The following SCN7A variants were observed in gnomAD, a reference collection of about 807,000 sequenced individuals.
SCN7A encodes sodium channel protein type 7 subunit alpha.
SCN7A carries 138 observed loss-of-function variants against 155.2 expected under a neutral mutation model. The ratio of observed to expected loss-of-function variants is 0.89; its 90% confidence interval spans 0.77 to 1.02. The LOEUF is 1.02. Among genes scored for constraint, SCN7A ranks in the 50% least tolerant of loss-of-function variants. The pLI is 0.00. For synonymous variants in SCN7A, 693 were observed against 649.0 expected, an observed-to-expected ratio of 1.07 and a Z score of -1.03; for missense variants, 2,058 against 1,986.6, an observed-to-expected ratio of 1.04 and a Z score of -0.68.
chr2:166,454,754 T>C (rs923610980), intron 11 of SCN7A, among the ~76,000 whole-genome samples: 1 of 152,172 alleles, frequency 6.6e-6, no homozygotes, highest in African/African-American at 2.4e-5. Context: ...AGATGTGAGA[T>C]TGCCAGGTCC....
rs772944872 is a variant in SCN7A at position 166,441,753 on chromosome 2, C to CT, written c.1801-2dup. 13 of 1,585,710 alleles carry CT rather than the reference C, an allele frequency of 8.2e-6. No individual in the cohort carries two copies. The South Asian group carries it at 1.5e-4, about 18-fold the overall frequency. On this transcript the variant is annotated splice_acceptor_variant, in intron 14 of 25. Transcript: ENST00000643258. LOFTEE classifies it high-confidence loss of function. Reference sequence around the variant, plus strand: ...ACTTTCCCAACTTGAAAATTCTTAACTAATAGAGCAATGTAAAATCAAGAA... The same window carrying CT: ...ACTTTCCCAACTTGAAAATTCTTAACTTAATAGAGCAATGTAAAATCAAGAA...
chr2:166,448,157 T>C (rs1156967006), intron 11 of SCN7A, among the ~76,000 whole-genome samples: 1 of 152,098 alleles, frequency 6.6e-6, no homozygotes, highest in Non-Finnish European at 1.5e-5. Flanking sequence ...ATAAACTATC[T>C]ACTTTTATGA....
At chr2:166,443,718 T>C (rs1057005103) in intron 13 of SCN7A, 42 bp from the exon 14 acceptor site, 25 of 1,386,868 alleles carry the variant, frequency 1.8e-5, no homozygotes, top group Non-Finnish European at 2.3e-5. Context: ...ATGATTCCAA[T>C]AGCTGTATCA....
chr2:166,466,166 G>A (rs2105486705), intron 7 of SCN7A, among the ~76,000 whole-genome samples, 179 bp from the exon 8 acceptor site: 1 of 152,176 alleles, frequency 6.6e-6, no homozygotes, highest in South Asian at 2.1e-4. Context: ...TGAGGTTTAT[G>A]TATTATTGCT....
intron 2 of SCN7A, among the ~76,000 whole-genome samples, chr2:166,483,751 TA>T (rs1702983987): frequency 1.3e-5 from 2 of 152,040 alleles, no homozygotes; most frequent in African/African-American, 4.8e-5. Flanking sequence ...ATAATTATTC[TA>T]AGAGGAAAGC....
chr2:166,408,627 T>C (rs959379538), intron 25 of SCN7A, among the ~76,000 whole-genome samples: 7 of 152,016 alleles, frequency 4.6e-5, no homozygotes, highest in African/African-American at 1.7e-4. Context: ...GTTTTTCTGA[T>C]AGCTTCTTCT....
At position 166,409,819 on chromosome 2, in the gene SCN7A, A is replaced by C; in HGVS notation, c.3828T>G (p.Ser1276Arg). The C allele has an allele frequency of 6.4e-7, 1 of 1,573,204 alleles. No individual in the cohort carries two copies. The highest frequency in any genetic ancestry group is 2.3e-5 in the East Asian group (1 of 43,278). ...AGTAGAGAGCAATGGACATTTGTAG[A>C]CTCTGAACATCAGTGTCTATCATCA... ...IAMMIDTDVQ[S>R]LQMSIALYWI... The change falls in exon 25 of 26, where the codon AGT becomes AGG. Residue 1276 changes from serine to arginine, a missense_variant. Transcript: ENST00000643258.
At position 166,427,945 on chromosome 2, in the gene SCN7A, G is replaced by T; in HGVS notation, c.2699-3C>A. Reference sequence around the variant, plus strand: ...AAGTGAAGATCCGCGTCTGCAACCTGTCAAGATTGAATTGGTAAGAACAAC... The same window carrying T: ...AAGTGAAGATCCGCGTCTGCAACCTTTCAAGATTGAATTGGTAAGAACAAC... On this transcript the variant is annotated splice_polypyrimidine_tract_variant and splice_region_variant and intron_variant, in intron 17 of 25. Coordinates refer to ENST00000643258, the MANE Select transcript of SCN7A (RefSeq NM_002976.4). The T allele has an allele frequency of 6.2e-7, 1 of 1,612,138 alleles. No individual in the cohort carries two copies. The highest frequency in any genetic ancestry group is 8.5e-7 in the Non-Finnish European group (1 of 1,178,876).
intron 3 of SCN7A, among the ~76,000 whole-genome samples, chr2:166,475,686 T>C (rs1702781746): frequency 6.6e-6 from 1 of 151,952 alleles, no homozygotes; most frequent in Non-Finnish European, 1.5e-5. Context: ...ATATATGCCA[T>C]TGTGATGAAA....
At chr2:166,415,801 G>C (rs1701363087) in intron 21 of SCN7A, among the ~76,000 whole-genome samples, 1 of 152,056 alleles carries the variant, frequency 6.6e-6, no homozygotes, top group Non-Finnish European at 1.5e-5. Context: ...ATGTGTGTTT[G>C]AACAATATGA....
intron 11 of SCN7A, among the ~76,000 whole-genome samples, chr2:166,451,929 T>G (rs1559111891): frequency 6.6e-6 from 1 of 152,170 alleles, no homozygotes; most frequent in African/African-American, 2.4e-5. Context: ...TCTGAAATAT[T>G]TATTTTAAAT....
chr2:166,442,409 GAC>G (rs1701981064), intron 14 of SCN7A, among the ~76,000 whole-genome samples: 1 of 150,422 alleles, frequency 6.6e-6, no homozygotes, highest in African/African-American at 2.4e-5. Flanking sequence ...TTGTTTGTTT[GAC>G]AGAGTCTCTC....
intron 13 of SCN7A, among the ~76,000 whole-genome samples, 164 bp downstream of exon 13, chr2:166,444,598 G>A (rs2105439798): frequency 6.6e-6 from 1 of 152,238 alleles, no homozygotes; most frequent in Admixed American, 6.5e-5. Context: ...TAGAAAGCAG[G>A]GGTTGGAGGG....
chr2:166,423,290 C>T lies in SCN7A; in HGVS notation c.2996G>A (p.Gly999Asp). Residue 999 changes from glycine to aspartate, a missense_variant, in exon 19 of 26, where the codon GGC (glycine) becomes GAC (aspartate). Transcript: ENST00000643258. ...AACCACGAAGTCCAGCCTGTACCAG[C>T]CATTAGAGAAATAGGCCTTAAAACC... ...AYGFKAYFSN[G>D]WYRLDFVVVI... 6.2e-7 allele frequency: 1 copy of T among 1,609,562 alleles called. No homozygotes were observed. The highest frequency in any genetic ancestry group is 8.5e-7 in the Non-Finnish European group (1 of 1,178,552).
At chr2:166,455,795 G>A (rs189196544) in intron 11 of SCN7A, among the ~76,000 whole-genome samples, 1 of 152,242 alleles carries the variant, frequency 6.6e-6, no homozygotes, top group Non-Finnish European at 1.5e-5. Context: ...TGCATCTATT[G>A]AGATAATCAT....
rs369867918 is a variant in SCN7A at position 166,486,006 on chromosome 2, G to A, written c.-15+850C>T. 4.6e-5 allele frequency among the ~76,000 whole-genome samples: 7 copies of A among 152,220 alleles called. No individual in the cohort carries two copies. In the South Asian group the frequency reaches 1.5e-3, roughly 32 times the overall value. On this transcript the variant is annotated intron_variant, in intron 2 of 25. Coordinates refer to ENST00000643258, the MANE Select transcript of SCN7A (RefSeq NM_002976.4). ...CTGCTTCTCAGCGGAATACAAAGGA[G>A]GCTGTATGATGCAACCAGATTATAA...
rs1701009846 is a variant in SCN7A, at chr2:166,403,904, G to C, written c.*1676C>G. ...TCACTGGTCTCCATAACATGATGGA[G>C]AGCAGGAGAAGAAAGGGAAGGAACA... is the stretch of plus-strand genomic sequence containing the variant. On this transcript the variant is annotated 3_prime_UTR_variant, in exon 26 of 26. Coordinates refer to ENST00000643258, the MANE Select transcript of SCN7A (RefSeq NM_002976.4). 1.3e-5 allele frequency: 2 copies of C among 150,990 alleles called. No homozygotes were observed. The highest frequency in any genetic ancestry group is 3.0e-5 in the Non-Finnish European group (2 of 67,764). 9.4% of individuals were successfully genotyped at this position (150,990 alleles called of 1,614,324 possible). A position where few individuals can be genotyped will look rare whatever the true frequency, so the allele number is the denominator to read the frequency against.
intron 14 of SCN7A, 86 bp from the exon 15 acceptor site, chr2:166,441,838 A>G: frequency 1.2e-6 from 1 of 853,636 alleles, no homozygotes; most frequent in South Asian, 1.8e-5. Flanking sequence ...TGTTATACAC[A>G]TATACATATA....
intron 1 of SCN7A, among the ~76,000 whole-genome samples, chr2:166,490,350 G>T (rs372269268): frequency 6.6e-6 from 1 of 152,114 alleles, no homozygotes; most frequent in Non-Finnish European, 1.5e-5. Context: ...ATGAGATCAT[G>T]CAGTATTTGT....
Sources: allele counts gnomAD v4.1 joint callset (sites outside exome capture counted in the v4.1 genomes callset), GRCh38; gene constraint gnomAD v4.1.1; transcripts MANE v1.5; gene names NCBI Gene and HGNC (gene_info 2026-07-23, HGNC 2026-07-21).